RIMS1: variants seen among roughly 807,000 people sequenced by gnomAD.
RIMS1 encodes regulating synaptic membrane exocytosis 1, also known as regulating synaptic membrane exocytosis protein 1.
In RIMS1, 83 loss-of-function variants were observed where a neutral mutation model predicts 214.1. The observed-to-expected ratio is 0.39, with a 90% CI of 0.32 to 0.47. RIMS1 has a LOEUF of 0.47. Among genes scored for constraint, RIMS1 ranks in the 20% least tolerant of loss-of-function variants. The pLI is 0.99. For missense variants in RIMS1, 2,050 were observed against 2,161.8 expected (o/e 0.95, Z 1.03); for synonymous variants, 793 against 786.8 (o/e 1.01, Z -0.13).
At chr6:71,982,591 C>A (rs1386334834) in intron 2 of RIMS1, among the ~76,000 whole-genome samples, 2 of 152,094 alleles carry the variant, frequency 1.3e-5, no homozygotes, top group Non-Finnish European at 2.9e-5. Flanking sequence ...AGATGGGAAA[C>A]CCCTGAGTCA....
At chr6:72,112,108 T>C (rs1039077278) in intron 4 of RIMS1, among the ~76,000 whole-genome samples, 3 of 152,154 alleles carry the variant, frequency 2.0e-5, no homozygotes, top group African/African-American at 7.2e-5. Context: ...GACTAACACA[T>C]TATTAAAGTT....
At chr6:72,019,210 G>A (rs1209458793) in intron 2 of RIMS1, among the ~76,000 whole-genome samples, 1 of 152,140 alleles carries the variant, frequency 6.6e-6, no homozygotes, top group East Asian at 1.9e-4. Context: ...AGATTTGTAG[G>A]TGTTTGTACA....
At chr6:72,146,411 A>G (rs2042760972) in intron 4 of RIMS1, among the ~76,000 whole-genome samples, 1 of 152,240 alleles carries the variant, frequency 6.6e-6, no homozygotes, top group Non-Finnish European at 1.5e-5. Flanking sequence ...TTACTCTACC[A>G]TTAAGGTCAA....
intron 5 of RIMS1, 83 bp downstream of exon 5, chr6:72,179,998 C>T (rs1167108730): frequency 1.3e-5 from 13 of 963,598 alleles, no homozygotes; most frequent in South Asian, 5.0e-5. Context: ...ACTTCTATTA[C>T]GAGGAATATG....
intron 2 of RIMS1, among the ~76,000 whole-genome samples, chr6:72,022,736 G>A (rs1164351646): frequency 2.6e-5 from 4 of 151,958 alleles, no homozygotes; most frequent in Non-Finnish European, 4.4e-5. Flanking sequence ...TTAAAATATT[G>A]AAACAAAGAC....
At chr6:72,119,957 T>C (rs879299437) in intron 4 of RIMS1, among the ~76,000 whole-genome samples, 3 of 151,796 alleles carry the variant, frequency 2.0e-5, no homozygotes, top group Non-Finnish European at 4.4e-5. Context: ...TCCAGCTTCA[T>C]CCATGTCCCT....
At chr6:71,969,167 CT>C (rs1795198811) in intron 2 of RIMS1, 104 bp downstream of exon 2, 4 of 1,077,934 alleles carry the variant, frequency 3.7e-6, no homozygotes, top group Non-Finnish European at 5.8e-6. Context: ...TCTGGCTGCT[CT>C]TGTATATGTA....
chr6:72,071,009 C>T (rs997505974), intron 2 of RIMS1, among the ~76,000 whole-genome samples: 1 of 152,102 alleles, frequency 6.6e-6, no homozygotes, highest in African/African-American at 2.4e-5. Context: ...TCAATGGGTA[C>T]AAATAAGTTT....
chr6:71,916,782 A>C (rs1778563520), intron 1 of RIMS1, among the ~76,000 whole-genome samples: 1 of 152,134 alleles, frequency 6.6e-6, no homozygotes, highest in Admixed American at 6.6e-5. Context: ...CGTTTATTCT[A>C]ACTTGTCTAG....
chr6:72,003,095 G>A (rs1035743870), intron 2 of RIMS1, among the ~76,000 whole-genome samples: 1 of 152,220 alleles, frequency 6.6e-6, no homozygotes, highest in Non-Finnish European at 1.5e-5. Context: ...CGTGGCTGAA[G>A]TAGGGGAAGA....
intron 2 of RIMS1, among the ~76,000 whole-genome samples, chr6:71,973,990 G>A (rs1160002686): frequency 2.6e-5 from 4 of 152,108 alleles, no homozygotes; most frequent in Non-Finnish European, 4.4e-5. Flanking sequence ...ACTGAGAGGT[G>A]GTCCCTGTGG....
Position 72,160,307 on chromosome 6 carries a change from T to A in RIMS1, c.472-19268T>A, listed in dbSNP as rs2045172814. ...GGCTGAGACAATGGGGTTTTCTAGA[T>A]ATACAATCATGTCATCTGCCAACAG... On this transcript the variant is annotated intron_variant, in intron 4 of 33. Coordinates refer to ENST00000521978, the MANE Select transcript of RIMS1 (RefSeq NM_014989.7). Among the ~76,000 whole-genome samples the A allele has an allele frequency of 1.4e-5, 2 of 139,830 alleles. 1 individual carries two copies. The highest frequency in any genetic ancestry group is 1.5e-4 in the Admixed American group (2 of 13,532). 91.7% of individuals were successfully genotyped at this position (139,830 alleles called of 152,430 possible). A position where few individuals can be genotyped will look rare whatever the true frequency, so the allele number is the denominator to read the frequency against.
rs745747500 is a variant in RIMS1 at position 72,390,604 on chromosome 6, G to T, written c.4373G>T (p.Gly1458Val). 3 of 1,612,530 alleles carry T rather than the reference G, an allele frequency of 1.9e-6. No homozygotes were observed. In the East Asian group the frequency reaches 6.7e-5, roughly 36 times the overall value. ...TTTTACTCTCTCCTGTCAGAGTCGG[G>T]CCACAAAAAGTTAAAAAGTACCATC... ...STSQLSQTES[G>V]HKKLKSTIQR... is the part of the protein sequence containing the mutation. The change falls in exon 30 of 34, where the codon GGC becomes GTC. Residue 1458 changes from glycine (G) to valine (V), a missense_variant. Around this residue, in one of 6 missense-constraint regions of RIMS1, gnomAD observed 889 missense variants for 885.5 expected, o/e 1.00. Coordinates refer to ENST00000521978, the MANE Select transcript of RIMS1 (RefSeq NM_014989.7).
In RIMS1 at chr6:72,340,209, C is replaced by CG. The variant is rs1478586263; in HGVS notation, c.4366+6374_4366+6375insG. On this transcript the variant is annotated intron_variant, in intron 29 of 33. Coordinates refer to ENST00000521978, the MANE Select transcript of RIMS1 (RefSeq NM_014989.7). ...AGCCCTTTGTCAGATGAGTAGGTTG[C>CG]AAAATTTTCTCCCATTCTGTAGGTT... 2.6e-5 allele frequency among the ~76,000 whole-genome samples: 4 copies of CG among 152,006 alleles called. No individual in the cohort carries two copies. The South Asian group carries it at 6.2e-4, about 24-fold the overall frequency.
chr6:72,106,557 G>A (rs1257365866), intron 4 of RIMS1, among the ~76,000 whole-genome samples: 4 of 152,130 alleles, frequency 2.6e-5, no homozygotes, highest in African/African-American at 9.7e-5. Flanking sequence ...TGCACTTGAC[G>A]GACAGTATCA....
intron 19 of RIMS1, chr6:72,262,387 A>G: frequency 1.0e-6 from 1 of 980,060 alleles, no homozygotes; most frequent in Non-Finnish European, 1.2e-6. Flanking sequence ...ATACAATTTA[A>G]AAATAAATGA....
chr6:72,075,309 G>A (rs1562256346), intron 2 of RIMS1, among the ~76,000 whole-genome samples: 1 of 152,022 alleles, frequency 6.6e-6, no homozygotes, highest in Non-Finnish European at 1.5e-5. Flanking sequence ...TGTCTTACTA[G>A]TTTTTCCAGG....
At chr6:71,967,524 A>G (rs535133314) in intron 1 of RIMS1, among the ~76,000 whole-genome samples, 1 of 152,350 alleles carries the variant, frequency 6.6e-6, no homozygotes, top group Admixed American at 6.5e-5. Flanking sequence ...GAGCTCAGAA[A>G]TCCTAGGACA....
intron 6 of RIMS1, among the ~76,000 whole-genome samples, chr6:72,200,141 G>T (rs1422811207): frequency 6.6e-6 from 1 of 152,022 alleles, no homozygotes; most frequent in African/African-American, 2.4e-5. Context: ...TCCATAATTG[G>T]TATTTTAGCA....
Sources: allele counts gnomAD v4.1 joint callset (sites outside exome capture counted in the v4.1 genomes callset), GRCh38; gene constraint gnomAD v4.1.1; regional missense constraint gnomAD v4.1.1; transcripts MANE v1.5; gene names NCBI Gene and HGNC (gene_info 2026-07-23, HGNC 2026-07-21).